The following PTPRN2 variants were observed in gnomAD, a reference collection of about 807,000 sequenced individuals.
The protein encoded by PTPRN2 is receptor-type tyrosine-protein phosphatase N2.
In PTPRN2, 74 loss-of-function variants were observed where a neutral mutation model predicts 118.8. The observed-to-expected ratio is 0.62, with a 90% CI of 0.52 to 0.76. The LOEUF is 0.76. Ranked by LOEUF, PTPRN2 falls within the 30% of genes least tolerant of loss-of-function variation. The probability of loss-of-function intolerance (pLI) is 0.00; values close to 1 mark genes in which losing one functional copy is unlikely to be tolerated. For synonymous variants in PTPRN2, 641 were observed against 608.0 expected (o/e 1.05, Z -0.80); for missense variants, 1,481 against 1,394.4 (o/e 1.06, Z -0.99).
rs1810895657 is a variant in PTPRN2 at position 157,869,037 on chromosome 7, C to T, written c.1788+29636G>A. On this transcript the variant is annotated intron_variant, in intron 12 of 22. Coordinates refer to ENST00000389418, the MANE Select transcript of PTPRN2 (RefSeq NM_002847.5). The surrounding 1 kb of genome is among the most constrained non-coding windows in gnomAD (Gnocchi z 4.2). ...TTCCCAATGTCCCGAAACACCCTGA[C>T]ACGTGTAATTCCAAATCTGTAAGTA... 6.6e-6 allele frequency: 1 copy of T among 152,232 alleles called. No individual in the cohort carries two copies. Among genetic ancestry groups the T allele is most frequent in the South Asian group, 2.1e-4 (1 of 4,830 alleles). 9.4% of individuals were successfully genotyped at this position (152,232 alleles called of 1,614,324 possible). A position where few individuals can be genotyped will look rare whatever the true frequency, so the allele number is the denominator to read the frequency against.
intron 5 of PTPRN2, among the ~76,000 whole-genome samples, chr7:158,181,146 T>C (rs1190230620): frequency 6.6e-6 from 1 of 152,222 alleles, no homozygotes; most frequent in Non-Finnish European, 1.5e-5. Context: ...GTTTTTATCA[T>C]GAAGTGATGC....
intron 3 of PTPRN2, among the ~76,000 whole-genome samples, chr7:158,223,016 A>C (rs957415444): frequency 1.3e-5 from 2 of 152,194 alleles, no homozygotes; most frequent in Non-Finnish European, 2.9e-5. Context: ...CAGACTCTGC[A>C]AACATCAAAA....
rs1251397382 is a variant in PTPRN2, at chr7:158,114,658, G to A, written c.1557-3743C>T. Among the ~76,000 whole-genome samples, 7 of 152,130 alleles carry A rather than the reference G, an allele frequency of 4.6e-5. No individual in the cohort carries two copies. The East Asian group carries it at 1.2e-3, about 25-fold the overall frequency. Reference sequence around the variant, plus strand: ...TGGCAGGAACAACGGTAAAGAATATGCATTAAAAAACCCATGGCAAACCCC... The same window carrying A: ...TGGCAGGAACAACGGTAAAGAATATACATTAAAAAACCCATGGCAAACCCC... On this transcript the variant is annotated intron_variant, in intron 9 of 22. Transcript: ENST00000389418.
At chr7:158,363,301 T>C (rs370826772) in intron 2 of PTPRN2, among the ~76,000 whole-genome samples, 1 of 151,944 alleles carries the variant, frequency 6.6e-6, no homozygotes, top group African/African-American at 2.4e-5. Flanking sequence ...GCTCAGGTGC[T>C]CGCAGAGGCC....
At chr7:158,396,168 C>T (rs1337196927) in intron 2 of PTPRN2, among the ~76,000 whole-genome samples, 4 of 152,192 alleles carry the variant, frequency 2.6e-5, no homozygotes, top group African/African-American at 9.7e-5. Flanking sequence ...GCTGAGGAGG[C>T]ACTCCCTAAC....
intron 11 of PTPRN2, among the ~76,000 whole-genome samples, chr7:157,936,254 A>G (rs577140468): frequency 1.4e-4 from 22 of 152,270 alleles, no homozygotes; most frequent in African/African-American, 5.3e-4. Context: ...AACTAGTTAG[A>G]GAAGACTGAG....
chr7:158,405,553 T>A (rs562097109), intron 2 of PTPRN2, among the ~76,000 whole-genome samples: 1 of 152,310 alleles, frequency 6.6e-6, no homozygotes, highest in African/African-American at 2.4e-5. Context: ...TCCGCAAGCT[T>A]GCTAAGAAAC....
At chr7:157,982,779 C>A (rs1803391479) in intron 11 of PTPRN2, among the ~76,000 whole-genome samples, 2 of 129,034 alleles carry the variant, frequency 1.5e-5, no homozygotes, top group Non-Finnish European at 3.3e-5. Context: ...CCCCCAAACC[C>A]CGAGTCACAG....
chr7:157,557,249 G>A (rs544469469), intron 21 of PTPRN2, among the ~76,000 whole-genome samples: 11 of 148,216 alleles, frequency 7.4e-5, no homozygotes, highest in African/African-American at 2.8e-4. Context: ...ACACAGGCAT[G>A]CACACACCAC....
chr7:158,579,890 A>AGGAACTGATG (rs1828534941), intron 1 of PTPRN2, among the ~76,000 whole-genome samples: 1 of 152,268 alleles, frequency 6.6e-6, no homozygotes, highest in Non-Finnish European at 1.5e-5. Context: ...GCCGCTCCAT[A>AGGAACTGATG]GGAACTGATG....
chr7:158,336,672 A>G (rs1805610261), intron 2 of PTPRN2, among the ~76,000 whole-genome samples: 1 of 138,814 alleles, frequency 7.2e-6, no homozygotes, highest in East Asian at 2.3e-4. Flanking sequence ...CCACACTCTC[A>G]CCATAAGAGC....
At chr7:158,216,565 T>C (rs148791253) in intron 3 of PTPRN2, among the ~76,000 whole-genome samples, 75 of 152,254 alleles carry the variant, frequency 4.9e-4, no homozygotes, top group Middle Eastern at 3.4e-3. Context: ...GCAATAGCTA[T>C]ATTAATATCA....
chr7:158,471,947 C>T (rs1349967401), intron 2 of PTPRN2, among the ~76,000 whole-genome samples: 2 of 152,160 alleles, frequency 1.3e-5, no homozygotes, highest in Admixed American at 1.3e-4. Flanking sequence ...GGAAATGTGG[C>T]CCACCTGACT....
intron 12 of PTPRN2, chr7:157,857,446 C>A (rs1435847992): frequency 6.6e-6 from 1 of 152,272 alleles, no homozygotes; most frequent in Non-Finnish European, 1.5e-5. Flanking sequence ...AGCGTCCTCT[C>A]CTCTGTGTGG....
chr7:158,330,963 C>T lies in PTPRN2; in HGVS notation c.164-14031G>A, dbSNP rs531339129. On this transcript the variant is annotated intron_variant, in intron 2 of 22. Coordinates refer to ENST00000389418, the MANE Select transcript of PTPRN2 (RefSeq NM_002847.5). Reference sequence around the variant, plus strand: ...CACGATAAGAGCTGTCACACGCAGACGACACTCACACCCACACTCTCACCA... The same window carrying T: ...CACGATAAGAGCTGTCACACGCAGATGACACTCACACCCACACTCTCACCA... Among the ~76,000 whole-genome samples, 9 of 115,266 alleles carry T rather than the reference C, an allele frequency of 7.8e-5. 2 individuals carry two copies. The highest frequency in any genetic ancestry group is 3.5e-4 in the South Asian group (1 of 2,874). 75.6% of individuals were successfully genotyped at this position (115,266 alleles called of 152,430 possible).
At chr7:157,700,816 G>T (rs1380058661) in intron 12 of PTPRN2, among the ~76,000 whole-genome samples, 1 of 152,098 alleles carries the variant, frequency 6.6e-6, no homozygotes, top group Non-Finnish European at 1.5e-5. Context: ...GGCCGCGAGG[G>T]CACCCTCACC....
intron 3 of PTPRN2, among the ~76,000 whole-genome samples, chr7:158,313,279 G>C (rs960360985): frequency 6.6e-6 from 1 of 152,182 alleles, no homozygotes; most frequent in African/African-American, 2.4e-5. Flanking sequence ...CTGCCACGGG[G>C]TCATCCCCAG....
intron 3 of PTPRN2, among the ~76,000 whole-genome samples, chr7:158,239,661 G>A (rs890083381): frequency 4.6e-5 from 7 of 152,148 alleles, no homozygotes; most frequent in African/African-American, 1.4e-4. Context: ...ACCACTTCAC[G>A]CCCTTCTCCC....
In PTPRN2 at chr7:157,977,793, C is replaced by A. The variant is rs1480061030; in HGVS notation, c.1724-79056G>T. Among the ~76,000 whole-genome samples, 1 of 151,748 alleles carries A rather than the reference C, an allele frequency of 6.6e-6. No homozygotes were observed. Among genetic ancestry groups the A allele is most frequent in the African/African-American group, 2.4e-5 (1 of 41,362 alleles). ...GGGACACTTGAAGATCTAGTGACACCTAAGAGCTCCCTGTTGCTGCTGCTG... is the reference window on the plus strand; with the variant it reads ...GGGACACTTGAAGATCTAGTGACACATAAGAGCTCCCTGTTGCTGCTGCTG... On this transcript the variant is annotated intron_variant, in intron 11 of 22. Transcript: ENST00000389418. The surrounding 1 kb of genome is among the most constrained non-coding windows in gnomAD (Gnocchi z 4.6).
Sources: allele counts gnomAD v4.1 joint callset (sites outside exome capture counted in the v4.1 genomes callset), GRCh38; gene constraint gnomAD v4.1.1; non-coding constraint Gnocchi (gnomAD v3.1); transcripts MANE v1.5; gene names NCBI Gene and HGNC (gene_info 2026-07-23, HGNC 2026-07-21).